AKR1D1: variants seen among roughly 807,000 people sequenced by gnomAD.
AKR1D1 encodes aldo-keto reductase family 1 member D1.
Under a neutral mutation model 42.6 loss-of-function variants are expected in AKR1D1, and 32 were observed. The observed-to-expected ratio is 0.75, with a 90% confidence interval of 0.57 to 1.01. The LOEUF is 1.01. Among genes scored for constraint, AKR1D1 ranks in the 50% least tolerant of loss-of-function variants. AKR1D1 has a pLI of 0.00. For missense variants in AKR1D1, 364 were observed against 402.2 expected, an observed-to-expected ratio of 0.91 and a Z score of 0.81; for synonymous variants, 123 against 135.5, an observed-to-expected ratio of 0.91 and a Z score of 0.64.
intron 8 of AKR1D1, among the ~76,000 whole-genome samples, chr7:138,114,178 A>G (rs73729459): frequency 0.027 from 4,070 of 152,318 alleles, 193 homozygotes; most frequent in African/African-American, 0.093. Flanking sequence ...GAGAGGCATG[A>G]TGATGTTGTA....
intron 3 of AKR1D1, among the ~76,000 whole-genome samples, chr7:138,095,513 TTTTTGTTTTG>T (rs58875353): frequency 1.6e-4 from 24 of 151,858 alleles, no homozygotes; most frequent in East Asian, 3.9e-4. Context: ...AAAATTAAAA[TTTTTGTTTTG>T]TTTTGTTTTG....
intron 1 of AKR1D1, among the ~76,000 whole-genome samples, chr7:138,077,262 T>C (rs1320858956): frequency 6.6e-6 from 1 of 152,138 alleles, no homozygotes; most frequent in Non-Finnish European, 1.5e-5. Context: ...GCATGGCTGG[T>C]GATGCCTCAA....
intron 7 of AKR1D1, among the ~76,000 whole-genome samples, chr7:138,108,705 A>G (rs935062312): frequency 3.3e-5 from 5 of 152,210 alleles, no homozygotes; most frequent in African/African-American, 1.2e-4. Context: ...GATTACAGTT[A>G]GAAGGAACAA....
At chr7:138,091,905 G>C in intron 3 of AKR1D1, 21 bp downstream of exon 3, 1 of 1,550,222 alleles carries the variant, frequency 6.5e-7, no homozygotes. Flanking sequence ...ATGCCCAAAG[G>C]TCAGGTCTCT....
At chr7:138,108,635 C>G (rs1470262977) in intron 7 of AKR1D1, among the ~76,000 whole-genome samples, 1 of 151,940 alleles carries the variant, frequency 6.6e-6, no homozygotes, top group African/African-American at 2.4e-5. Context: ...ATAGTGGTTA[C>G]CGGAGGCTGA....
Position 138,088,767 on chromosome 7 carries a change from A to G in AKR1D1, c.260A>G (p.Lys87Arg), listed in dbSNP as rs1793995954. Residue 87 changes from lysine to arginine, a missense_variant and splice_region_variant, in exon 2 of 9, where the codon AAG (lysine) becomes AGG (arginine). Physicochemically the swap from Lys to Arg is conservative, Grantham distance 26. Transcript: ENST00000242375. ...AGGGAAGATATCTTCTACTGTGGAA[A>G]GGTGAGATCTTGCCTTCAGCCTCCA... is the stretch of plus-strand genomic sequence containing the variant. ...VRREDIFYCG[K>R]LWATNHVPEM... 1 of 1,593,660 alleles carries G rather than the reference A, an allele frequency of 6.3e-7. No individual in the cohort carries two copies. The highest frequency in any genetic ancestry group is 1.1e-5 in the South Asian group (1 of 88,248).
chr7:138,083,301 T>G lies in AKR1D1; in HGVS notation c.94-5300T>G, dbSNP rs532627023. On this transcript the variant is annotated intron_variant, in intron 1 of 8. Transcript: ENST00000242375. ...TGCATTTCCCAGATGAATAGTGATATTGATATTTATATACCTATTGGCCAT... is the reference window on the plus strand; with the variant it reads ...TGCATTTCCCAGATGAATAGTGATAGTGATATTTATATACCTATTGGCCAT... Among the ~76,000 whole-genome samples the G allele has an allele frequency of 1.1e-4, 17 of 152,300 alleles. 2 individuals are homozygous for G. Among genetic ancestry groups the G allele is most frequent in the African/African-American group, 4.1e-4 (17 of 41,578 alleles).
chr7:138,092,990 G>T (rs750892052), intron 3 of AKR1D1, among the ~76,000 whole-genome samples: 2 of 150,836 alleles, frequency 1.3e-5, no homozygotes, highest in Non-Finnish European at 3.0e-5. Context: ...TATTGTAACT[G>T]TTTTCAGCTT....
intron 1 of AKR1D1, among the ~76,000 whole-genome samples, chr7:138,077,713 A>G (rs1802970182): frequency 6.6e-6 from 1 of 152,224 alleles, no homozygotes; most frequent in African/African-American, 2.4e-5. Context: ...TTGAGTGGTC[A>G]TGTATGAATG....
At chr7:138,114,149 T>A (rs1794587996) in intron 8 of AKR1D1, among the ~76,000 whole-genome samples, 1 of 151,716 alleles carries the variant, frequency 6.6e-6, no homozygotes, top group East Asian at 1.9e-4. Flanking sequence ...AGCAAAGTTA[T>A]AAAAAAAAAT....
At chr7:138,110,029 GA>G (rs1794506814) in intron 7 of AKR1D1, among the ~76,000 whole-genome samples, 1 of 150,982 alleles carries the variant, frequency 6.6e-6, no homozygotes, top group African/African-American at 2.4e-5. Context: ...CATATTCCAA[GA>G]AAAAAACGGA....
chr7:138,110,311 A>C (rs1794513833), intron 7 of AKR1D1, among the ~76,000 whole-genome samples: 1 of 152,226 alleles, frequency 6.6e-6, no homozygotes, highest in African/African-American at 2.4e-5. Context: ...TGTAGTAAAA[A>C]GTTAAGACTG....
intron 7 of AKR1D1, among the ~76,000 whole-genome samples, chr7:138,109,263 T>C (rs1794491378): frequency 6.6e-6 from 1 of 152,166 alleles, no homozygotes; most frequent in Non-Finnish European, 1.5e-5. Flanking sequence ...AAAAGATAAT[T>C]TATTGGCTTG....
chr7:138,095,205 C>T (rs1338110135), intron 3 of AKR1D1, among the ~76,000 whole-genome samples: 4 of 152,158 alleles, frequency 2.6e-5, no homozygotes, highest in Admixed American at 1.3e-4. Flanking sequence ...TAACAGAATT[C>T]ATGATGGAGG....
At chr7:138,105,760 G>A (rs1794411448) in intron 5 of AKR1D1, among the ~76,000 whole-genome samples, 1 of 152,120 alleles carries the variant, frequency 6.6e-6, no homozygotes, top group Admixed American at 6.6e-5. Context: ...GGTGGCACAT[G>A]CCTGTAATCC....
chr7:138,116,593 T>C (rs1282324270), intron 8 of AKR1D1, 27 bp from the exon 9 acceptor site: 1 of 1,614,184 alleles, frequency 6.2e-7, no homozygotes, highest in Non-Finnish European at 8.5e-7. Context: ...GAGTGAACTT[T>C]TTTCTGTGGG....
intron 4 of AKR1D1, among the ~76,000 whole-genome samples, chr7:138,102,863 G>A (rs186975003): frequency 4.2e-4 from 64 of 152,034 alleles, no homozygotes; most frequent in African/African-American, 1.5e-3. Context: ...TTGTTAGCTT[G>A]AATAGCCCGG....
intron 3 of AKR1D1, among the ~76,000 whole-genome samples, chr7:138,092,467 T>G (rs1412621407): frequency 6.6e-6 from 1 of 152,264 alleles, no homozygotes; most frequent in East Asian, 1.9e-4. Flanking sequence ...CTGAGAAATG[T>G]GTCATGAGGT....
chr7:138,091,731 T>C (rs1043962740), intron 2 of AKR1D1, 37 bp from the exon 3 acceptor site: 4 of 1,458,430 alleles, frequency 2.7e-6, no homozygotes, highest in Non-Finnish European at 3.9e-6. Flanking sequence ...AAAAAGCGTG[T>C]AGACATTAGT....
Sources: allele counts gnomAD v4.1 joint callset (sites outside exome capture counted in the v4.1 genomes callset), GRCh38; gene constraint gnomAD v4.1.1; transcripts MANE v1.5; gene names NCBI Gene and HGNC (gene_info 2026-07-23, HGNC 2026-07-21).